Variants in ZNRF2 observed in about 807,000 individuals in gnomAD.
ZNRF2 encodes E3 ubiquitin-protein ligase ZNRF2.
Under a neutral mutation model 20.4 loss-of-function variants are expected in ZNRF2, and 16 were observed. The ratio of observed to expected loss-of-function variants is 0.79; its 90% CI spans 0.53 to 1.19. The LOEUF (loss-of-function observed/expected upper bound fraction) is 1.19, where lower values mean the gene tolerates loss of function less well. ZNRF2 is among the 50% of genes most tolerant of loss of function. The probability of loss-of-function intolerance (pLI) is 0.00; values close to 1 mark genes in which losing one functional copy is unlikely to be tolerated. For synonymous variants in ZNRF2, 178 were observed against 144.9 expected (o/e 1.23, Z -1.64); for missense variants, 363 against 332.4 (o/e 1.09, Z -0.72).
intron 2 of ZNRF2, among the ~76,000 whole-genome samples, chr7:30,324,865 A>G (rs1018375204): frequency 2.6e-5 from 4 of 152,182 alleles, no homozygotes; most frequent in African/African-American, 9.6e-5. Flanking sequence ...GAGTAGGGAG[A>G]ATAAAAGTTT....
intron 2 of ZNRF2, among the ~76,000 whole-genome samples, chr7:30,326,157 TGAG>T (rs1488732449): frequency 3.3e-5 from 5 of 152,188 alleles, no homozygotes; most frequent in Non-Finnish European, 7.3e-5. Context: ...ACTTTTAAGT[TGAG>T]GGGTACATGT....
intron 1 of ZNRF2, among the ~76,000 whole-genome samples, chr7:30,306,385 G>A (rs1444188519): frequency 6.6e-6 from 1 of 152,074 alleles, no homozygotes; most frequent in African/African-American, 2.4e-5. Flanking sequence ...ATGAAAGCTA[G>A]AAGTAAGTAA....
chr7:30,333,379 T>TC (rs1373089674), intron 2 of ZNRF2, among the ~76,000 whole-genome samples: 1 of 148,686 alleles, frequency 6.7e-6, no homozygotes, highest in Non-Finnish European at 1.5e-5. Flanking sequence ...TTTTTTTTTT[T>TC]CCTCCCTGAG....
chr7:30,326,608 G>A (rs575423988), intron 2 of ZNRF2, among the ~76,000 whole-genome samples: 1 of 152,182 alleles, frequency 6.6e-6, no homozygotes, highest in African/African-American at 2.4e-5. Context: ...ATGCATGCAT[G>A]TGTCTTATAA....
chr7:30,328,204 C>T (rs1040392889), intron 2 of ZNRF2, among the ~76,000 whole-genome samples: 6 of 152,144 alleles, frequency 3.9e-5, no homozygotes, highest in Admixed American at 6.5e-5. Context: ...TTTAATACCT[C>T]ATAAGCAAAC....
At position 30,285,795 on chromosome 7, in the gene ZNRF2, A is replaced by G. The variant is rs1013779080; in HGVS notation, c.438A>G (p.Leu146=). Residue 146 remains leucine, a synonymous_variant, in exon 1 of 5, where the codon TTA becomes TTG. Coordinates refer to ENST00000323037, the MANE Select transcript of ZNRF2 (RefSeq NM_147128.4). The part of the protein sequence containing the change: ...PGGPRLVIGS[L]PAHLSPHMFG... ...GGCCGCGCCTGGTGATCGGCTCCTT[A>G]CCAGCTCACCTCTCGCCGCACATGT... is the stretch of plus-strand genomic sequence containing the variant. The G allele has an allele frequency of 7.9e-6, 12 of 1,526,238 alleles. No homozygotes were observed. The highest frequency in any genetic ancestry group is 1.0e-5 in the Non-Finnish European group (12 of 1,145,978). 94.5% of individuals were successfully genotyped at this position (1,526,238 alleles called of 1,614,324 possible). A position where few individuals can be genotyped will look rare whatever the true frequency, so the allele number is the denominator to read the frequency against.
At chr7:30,342,838 G>A (rs1328336372) in intron 2 of ZNRF2, among the ~76,000 whole-genome samples, 2 of 151,998 alleles carry the variant, frequency 1.3e-5, no homozygotes, top group Non-Finnish European at 2.9e-5. Context: ...TTTTGGGGGT[G>A]TCTTTTTTAA....
intron 1 of ZNRF2, among the ~76,000 whole-genome samples, chr7:30,288,561 T>C (rs1375023293): frequency 6.6e-6 from 1 of 152,254 alleles, no homozygotes; most frequent in Non-Finnish European, 1.5e-5. Context: ...GTTGGTTTTA[T>C]GTTTTGATGT....
At chr7:30,356,533 A>G (rs1345648432) in intron 3 of ZNRF2, among the ~76,000 whole-genome samples, 2 of 152,166 alleles carry the variant, frequency 1.3e-5, no homozygotes, top group African/African-American at 2.4e-5. Context: ...TTTGAACATA[A>G]GTATACATAA....
At chr7:30,305,972 T>G (rs1330750416) in intron 1 of ZNRF2, among the ~76,000 whole-genome samples, 1 of 152,200 alleles carries the variant, frequency 6.6e-6, no homozygotes, top group Non-Finnish European at 1.5e-5. Flanking sequence ...AGTGTAGTGG[T>G]TTTGATTTTT....
intron 1 of ZNRF2, among the ~76,000 whole-genome samples, chr7:30,312,546 A>G (rs573075141): frequency 1.4e-4 from 21 of 152,314 alleles, no homozygotes; most frequent in Middle Eastern, 3.4e-3. Flanking sequence ...AAGAAGCAGC[A>G]TATATTGGAG....
chr7:30,358,338 T>C (rs574269651), intron 3 of ZNRF2, among the ~76,000 whole-genome samples: 4 of 152,324 alleles, frequency 2.6e-5, no homozygotes, highest in African/African-American at 9.6e-5. Context: ...CTATAAGGCT[T>C]ATAAGGATTA....
At chr7:30,355,561 T>C (rs1438477886) in intron 2 of ZNRF2, among the ~76,000 whole-genome samples, 167 bp from the exon 3 acceptor site, 1 of 152,206 alleles carries the variant, frequency 6.6e-6, no homozygotes, top group Non-Finnish European at 1.5e-5. Flanking sequence ...TATTCAGTCA[T>C]TTATGAATAG....
At chr7:30,293,384 G>T (rs1798947761) in intron 1 of ZNRF2, among the ~76,000 whole-genome samples, 1 of 151,904 alleles carries the variant, frequency 6.6e-6, no homozygotes, top group Non-Finnish European at 1.5e-5. Context: ...AAGTAGCTGG[G>T]ATTACAGGTG....
intron 2 of ZNRF2, among the ~76,000 whole-genome samples, chr7:30,339,071 T>C (rs1035971832): frequency 1.3e-5 from 2 of 152,238 alleles, no homozygotes; most frequent in Admixed American, 1.3e-4. Flanking sequence ...AAATGTCTTT[T>C]TTTGAGAAGT....
chr7:30,292,420 C>T (rs906532012), intron 1 of ZNRF2, among the ~76,000 whole-genome samples: 24 of 152,056 alleles, frequency 1.6e-4, no homozygotes, highest in African/African-American at 4.4e-4. Context: ...CTTTTCCGGA[C>T]ACTATTCTGG....
In ZNRF2 at chr7:30,285,455, G is replaced by C. The variant is rs753728684; in HGVS notation, c.98G>C (p.Gly33Ala). The C allele has an allele frequency of 8.0e-5, 92 of 1,150,048 alleles. 2 individuals carry two copies. Among genetic ancestry groups the C allele is most frequent in the Middle Eastern group, 7.7e-4 (2 of 2,608 alleles). The allele number at this position is 1,150,048 out of a possible 1,614,324, so 71.2% of individuals were successfully genotyped here. The change falls in exon 1 of 5, where the codon GGG becomes GCG. Residue 33 changes from glycine to alanine, a missense_variant. Gly to Ala is a moderately conservative substitution (Grantham distance 60, BLOSUM62 0). Around this residue, in one of 2 missense-constraint regions of ZNRF2, gnomAD observed 302 missense variants for 231.5 expected, o/e 1.30. Transcript: ENST00000323037. ...TCCAGTAGCAGCGGAGGCGCCAATG[G>C]GACCGCGGGCGGCGGCGGGGGCGCT... ...LPSSSSGGANGTAGGGGGARA... is the reference protein window; with the variant it reads ...LPSSSSGGANATAGGGGGARA...
chr7:30,286,720 G>A (rs1194162614), intron 1 of ZNRF2, among the ~76,000 whole-genome samples: 1 of 152,188 alleles, frequency 6.6e-6, no homozygotes, highest in Non-Finnish European at 1.5e-5. Context: ...AATAGTAAAT[G>A]AATCAAGACC....
chr7:30,322,205 T>TA (rs141084548), intron 1 of ZNRF2, among the ~76,000 whole-genome samples: 2,759 of 152,314 alleles, frequency 0.018, 80 homozygotes, highest in African/African-American at 0.063. Context: ...AAAATGCATG[T>TA]ACTACAGTTT....
Sources: gnomAD v4.1 joint callset for allele counts (sites outside exome capture counted in the v4.1 genomes callset) on GRCh38, gnomAD v4.1.1 for gene constraint, gnomAD v4.1.1 regional missense constraint, MANE v1.5 for transcripts, NCBI Gene and HGNC (gene_info 2026-07-23, HGNC 2026-07-21) for gene names.